Variants in COL7A1 observed in about 807,000 individuals in gnomAD.
COL7A1 encodes collagen alpha-1(VII) chain.
In COL7A1, 296 loss-of-function variants were observed where a neutral mutation model predicts 456.2. The observed-to-expected ratio is 0.65, with a 90% CI of 0.59 to 0.71. COL7A1 has a LOEUF of 0.71. Ranked by LOEUF, COL7A1 falls within the 30% of genes least tolerant of loss-of-function variation. The probability of loss-of-function intolerance (pLI) is 0.00; values close to 1 mark genes in which losing one functional copy is unlikely to be tolerated. For synonymous variants in COL7A1, 1,464 were observed against 1,525.9 expected, an observed-to-expected ratio of 0.96 and a Z score of 0.95; for missense variants, 3,441 against 4,017.2, an observed-to-expected ratio of 0.86 and a Z score of 3.88.
Position 48,594,526 on chromosome 3 carries a change from G to T in COL7A1, c.108C>A (p.Ala36=), listed in dbSNP as rs1267001380. 3.1e-6 allele frequency: 5 copies of T among 1,607,526 alleles called. No individual in the cohort carries two copies. Among genetic ancestry groups the T allele is most frequent in the Non-Finnish European group, 4.2e-6 (5 of 1,178,184 alleles). ...RERVTCTRLY[A]ADIVFLLDGS... ...CATCCAGTAAGAACACAATGTCAGC[G>T]GCGTAAAGGCGCGTGCAGGTCACTG... The change falls in exon 3 of 119, where the codon GCC becomes GCA. Residue 36 remains alanine (A), a synonymous_variant. Transcript: ENST00000681320. The surrounding 1 kb of genome is among the most constrained non-coding windows in gnomAD (Gnocchi z 5.5).
At position 48,590,151 on chromosome 3, in the gene COL7A1, A is replaced by G; in HGVS notation, c.2050+62T>C. 6.3e-7 allele frequency: 1 copy of G among 1,581,460 alleles called. No individual in the cohort carries two copies. Among genetic ancestry groups the G allele is most frequent in the Non-Finnish European group, 8.6e-7 (1 of 1,160,260 alleles). ...GGGAGAAGCAAGGGTCTGCAAGGGA[A>G]GGCATGGGGGTCTGAAAGAGCAATG... is the stretch of plus-strand genomic sequence containing the variant. On this transcript the variant is annotated intron_variant, in intron 16 of 118. Coordinates refer to ENST00000681320, the MANE Select transcript of COL7A1 (RefSeq NM_000094.4). The surrounding 1 kb of genome is among the most constrained non-coding windows in gnomAD (Gnocchi z 4.6).
At position 48,573,623 on chromosome 3, in the gene COL7A1, C is replaced by T. The variant is rs375152374; in HGVS notation, c.6574-66G>A. On this transcript the variant is annotated intron_variant, in intron 82 of 118. Coordinates refer to ENST00000681320, the MANE Select transcript of COL7A1 (RefSeq NM_000094.4). The surrounding 1 kb of genome is among the most constrained non-coding windows in gnomAD (Gnocchi z 5.5). Reference sequence around the variant, plus strand: ...TTAACACAGAGAAGGCCTGGCTCATCAGCTGTGGCCAATGCCTATCCCAGC... The same window carrying T: ...TTAACACAGAGAAGGCCTGGCTCATTAGCTGTGGCCAATGCCTATCCCAGC... 3.7e-6 allele frequency: 6 copies of T among 1,613,136 alleles called. No homozygotes were observed. The highest frequency in any genetic ancestry group is 3.3e-5 in the South Asian group (3 of 91,046).
chr3:48,564,497 A>G lies in COL7A1; in HGVS notation c.8819-75T>C. ...AGACGCTCAGGCAGAGGCACCGCCA[A>G]GGGGAGGGAGCGGAGGCTACAACAG... On this transcript the variant is annotated intron_variant, in intron 118 of 118. Transcript: ENST00000681320. This position sits in a 1 kb window ranked among gnomAD's most constrained non-coding sequence, Gnocchi z 6.0. The G allele has an allele frequency of 6.4e-7, 1 of 1,573,998 alleles. No individual in the cohort carries two copies. Among genetic ancestry groups the G allele is most frequent in the East Asian group, 2.3e-5 (1 of 44,200 alleles).
chr3:48,568,995 A>T lies in COL7A1; in HGVS notation c.7687-140T>A. The T allele has an allele frequency of 2.4e-6, 2 of 827,416 alleles. 1 individual carries two copies. Among genetic ancestry groups the T allele is most frequent in the South Asian group, 3.0e-5 (2 of 67,374 alleles). 51.3% of individuals were successfully genotyped at this position (827,416 alleles called of 1,614,324 possible). The stretch of plus-strand genomic sequence containing the variant: ...AGCACGTCCTCCCAGCCTGTGCCAT[A>T]GCGGGTGGAACTGGGGGCTGTAGTC... On this transcript the variant is annotated intron_variant, in intron 103 of 118. Coordinates refer to ENST00000681320, the MANE Select transcript of COL7A1 (RefSeq NM_000094.4). The surrounding 1 kb of genome is among the most constrained non-coding windows in gnomAD (Gnocchi z 5.2).
At position 48,585,684 on chromosome 3, in the gene COL7A1, A is replaced by T; in HGVS notation, c.3831+6T>A. On this transcript the variant is annotated splice_donor_region_variant and intron_variant, in intron 31 of 118. Coordinates refer to ENST00000681320, the MANE Select transcript of COL7A1 (RefSeq NM_000094.4). The surrounding 1 kb of genome is among the most constrained non-coding windows in gnomAD (Gnocchi z 4.5). ...GGGTGCAGGGACAGATGTGGGGGAC[A>T]CTCACCGGGAGGCCAGGGTCGCCAG... is the stretch of plus-strand genomic sequence containing the variant. 6.2e-7 allele frequency: 1 copy of T among 1,613,876 alleles called. No individual in the cohort carries two copies. The highest frequency in any genetic ancestry group is 8.5e-7 in the Non-Finnish European group (1 of 1,179,950).
rs762098220 is a variant in COL7A1 at position 48,568,960 on chromosome 3, C to T, written c.7687-105G>A. The T allele has an allele frequency of 3.6e-5, 41 of 1,142,070 alleles. No individual in the cohort carries two copies. Among genetic ancestry groups the T allele is most frequent in the East Asian group, 2.3e-4 (9 of 39,084 alleles). The allele number at this position is 1,142,070 out of a possible 1,614,324, so 70.7% of individuals were successfully genotyped here. A position where few individuals can be genotyped will look rare whatever the true frequency, so the allele number is the denominator to read the frequency against. On this transcript the variant is annotated intron_variant, in intron 103 of 118. Transcript: ENST00000681320. The surrounding 1 kb of genome is among the most constrained non-coding windows in gnomAD (Gnocchi z 5.2). ...GGGCAGAGCTCAAGTCACTCCCGAA[C>T]GGCCCTAGCAGCACGTCCTCCCAGC...
At position 48,573,073 on chromosome 3, in the gene COL7A1, C is replaced by T. The variant is rs990028371; in HGVS notation, c.6715-17G>A. 5.0e-6 allele frequency: 8 copies of T among 1,614,074 alleles called. No individual in the cohort carries two copies. Among genetic ancestry groups the T allele is most frequent in the South Asian group, 2.2e-5 (2 of 91,064 alleles). On this transcript the variant is annotated splice_polypyrimidine_tract_variant and intron_variant, in intron 85 of 118. Transcript: ENST00000681320. This position sits in a 1 kb window ranked among gnomAD's most constrained non-coding sequence, Gnocchi z 5.5. ...CTGTGGACCCTGACGGAGAACAAGT[C>T]GGATGTCAGGGTGACAATGGACACA...
rs2044439997 is a variant in COL7A1, at chr3:48,578,028, G to A, written c.5532+293C>T. ...AAAAATACAAAATTAGCCAGGCATG[G>A]TGGCGCATGCCTGTAATCCCAGTTA... On this transcript the variant is annotated intron_variant, in intron 65 of 118. Transcript: ENST00000681320. This position sits in a 1 kb window ranked among gnomAD's most constrained non-coding sequence, Gnocchi z 4.7. Among the ~76,000 whole-genome samples, 2 of 152,300 alleles carry A rather than the reference G, an allele frequency of 1.3e-5. No individual in the cohort carries two copies. Among genetic ancestry groups the A allele is most frequent in the Admixed American group, 1.3e-4 (2 of 15,300 alleles).
At position 48,575,022 on chromosome 3, in the gene COL7A1, T is replaced by G; in HGVS notation, c.6279+42A>C. ...GGGGACCAAGCTAAGGGTGGCTTCC[T>G]GGTCACTAGTCACAGGACTAAGGCA... On this transcript the variant is annotated intron_variant, in intron 76 of 118. Transcript: ENST00000681320. The surrounding 1 kb of genome is among the most constrained non-coding windows in gnomAD (Gnocchi z 6.3). 4 of 1,600,960 alleles carry G rather than the reference T, an allele frequency of 2.5e-6. No individual in the cohort carries two copies. Among genetic ancestry groups the G allele is most frequent in the Non-Finnish European group, 3.4e-6 (4 of 1,168,412 alleles).
rs1355576416 is a variant in COL7A1 at position 48,576,265 on chromosome 3, T to C, written c.5804A>G (p.Glu1935Gly). The C allele has an allele frequency of 6.2e-7, 1 of 1,613,614 alleles. No individual in the cohort carries two copies. Among genetic ancestry groups the C allele is most frequent in the Non-Finnish European group, 8.5e-7 (1 of 1,179,976 alleles). The change falls in exon 71 of 119, where the codon GAG becomes GGG. Residue 1935 changes from glutamate (E) to glycine (G), a missense_variant. Transcript: ENST00000681320. Reference sequence around the variant, plus strand: ...CTGGCTCACCGGCACACTTCCAGGCTCTCCTCGCAGGCCACGCTCTCCAGG... The same window carrying C: ...CTGGCTCACCGGCACACTTCCAGGCCCTCCTCGCAGGCCACGCTCTCCAGG... Reference protein sequence around the residue: ...GLPGERGLRGEPGSVPNVDRL... With the variant: ...GLPGERGLRGGPGSVPNVDRL...
Position 48,593,369 on chromosome 3 carries a change from C to T in COL7A1, c.507G>A (p.Lys169=). ...AAQRLKGQGV[K]LFAVGIKNAD... Reference sequence around the variant, plus strand: ...CTCGGTCCTTACCCACAGCAAATAGCTTGACCCCCTGCCCCTTCAGCCTTT... The same window carrying T: ...CTCGGTCCTTACCCACAGCAAATAGTTTGACCCCCTGCCCCTTCAGCCTTT... Residue 169 remains lysine, a synonymous_variant, in exon 5 of 119, where the codon AAG becomes AAA. Transcript: ENST00000681320. The surrounding 1 kb of genome is among the most constrained non-coding windows in gnomAD (Gnocchi z 4.4). 1 of 1,614,142 alleles carries T rather than the reference C, an allele frequency of 6.2e-7. No individual in the cohort carries two copies. The highest frequency in any genetic ancestry group is 8.5e-7 in the Non-Finnish European group (1 of 1,180,038).
intron 44 of COL7A1, 120 bp downstream of exon 44, chr3:48,582,893 G>A (rs2044875557): frequency 3.4e-6 from 5 of 1,453,188 alleles, no homozygotes; most frequent in Non-Finnish European, 3.9e-6. Context: ...TATCAGCAGG[G>A]ATAAGTGGTC....
chr3:48,585,215 A>C lies in COL7A1; in HGVS notation c.3895-99T>G. 8.5e-7 allele frequency: 1 copy of C among 1,175,586 alleles called. No homozygotes were observed. The highest frequency in any genetic ancestry group is 1.3e-5 in the South Asian group (1 of 77,494). The allele number at this position is 1,175,586 out of a possible 1,614,324, so 72.8% of individuals were successfully genotyped here. ...CCATCAACAAGGGGTCGCCTACCCC[A>C]CTGACCCCCAAGTGTTATTGGGGGT... On this transcript the variant is annotated intron_variant, in intron 32 of 118. Coordinates refer to ENST00000681320, the MANE Select transcript of COL7A1 (RefSeq NM_000094.4). This position sits in a 1 kb window ranked among gnomAD's most constrained non-coding sequence, Gnocchi z 4.5.
Position 48,571,742 on chromosome 3 carries a change from C to T in COL7A1, c.7068+259G>A. 1 of 636,334 alleles carries T rather than the reference C, an allele frequency of 1.6e-6. No homozygotes were observed. The highest frequency in any genetic ancestry group is 2.9e-6 in the Non-Finnish European group (1 of 347,040). 39.4% of individuals were successfully genotyped at this position (636,334 alleles called of 1,614,324 possible). The stretch of plus-strand genomic sequence containing the variant: ...GTGTCCTGGGATCTGGGAGATCAGA[C>T]CAGAGCACACGTGTGCCCAGATGTG... On this transcript the variant is annotated intron_variant, in intron 92 of 118. Transcript: ENST00000681320. This position sits in a 1 kb window ranked among gnomAD's most constrained non-coding sequence, Gnocchi z 4.6.
Position 48,580,779 on chromosome 3 carries a change from C to T in COL7A1, c.4980+103G>A, listed in dbSNP as rs2044696371. 4 of 1,568,640 alleles carry T rather than the reference C, an allele frequency of 2.5e-6. No individual in the cohort carries two copies. The highest frequency in any genetic ancestry group is 3.4e-5 in the Admixed American group (2 of 59,634). On this transcript the variant is annotated intron_variant, in intron 54 of 118. Coordinates refer to ENST00000681320, the MANE Select transcript of COL7A1 (RefSeq NM_000094.4). The surrounding 1 kb of genome is among the most constrained non-coding windows in gnomAD (Gnocchi z 4.5). ...ATCAGAGGTTCCCATCACCCCATGC[C>T]TCCCTGCAGGGACTCCCATCACCCC...
chr3:48,584,131 G>A lies in COL7A1; in HGVS notation c.4198-70C>T, dbSNP rs2045022876. ...TCCCAAAGATACCAGGAGTGATGAG[G>A]GTCATGGGGTCCAATTGGATTTCAA... is the stretch of plus-strand genomic sequence containing the variant. On this transcript the variant is annotated intron_variant, in intron 37 of 118. Coordinates refer to ENST00000681320, the MANE Select transcript of COL7A1 (RefSeq NM_000094.4). The A allele has an allele frequency of 9.9e-6, 16 of 1,611,472 alleles. No homozygotes were observed. In the East Asian group the frequency reaches 3.6e-4, roughly 36 times the overall value.
In COL7A1 at chr3:48,568,949, T is replaced by A; in HGVS notation, c.7687-94A>T. The A allele has an allele frequency of 7.7e-7, 1 of 1,290,842 alleles. No individual in the cohort carries two copies. Among genetic ancestry groups the A allele is most frequent in the Non-Finnish European group, 1.1e-6 (1 of 915,916 alleles). 80.0% of individuals were successfully genotyped at this position (1,290,842 alleles called of 1,614,324 possible). A position where few individuals can be genotyped will look rare whatever the true frequency, so the allele number is the denominator to read the frequency against. On this transcript the variant is annotated intron_variant, in intron 103 of 118. Coordinates refer to ENST00000681320, the MANE Select transcript of COL7A1 (RefSeq NM_000094.4). This position sits in a 1 kb window ranked among gnomAD's most constrained non-coding sequence, Gnocchi z 5.2. ...CCCGCCAGCTGGGGCAGAGCTCAAG[T>A]CACTCCCGAACGGCCCTAGCAGCAC...
chr3:48,590,125 G>A lies in COL7A1; in HGVS notation c.2050+88C>T. On this transcript the variant is annotated intron_variant, in intron 16 of 118. Coordinates refer to ENST00000681320, the MANE Select transcript of COL7A1 (RefSeq NM_000094.4). The surrounding 1 kb of genome is among the most constrained non-coding windows in gnomAD (Gnocchi z 4.6). ...TTCTGAAGGGGGAGGCAGGAGTTCTGGGGAGAAGCAAGGGTCTGCAAGGGA... is the reference window on the plus strand; with the variant it reads ...TTCTGAAGGGGGAGGCAGGAGTTCTAGGGAGAAGCAAGGGTCTGCAAGGGA... 2.0e-6 allele frequency: 3 copies of A among 1,469,852 alleles called. No homozygotes were observed. The highest frequency in any genetic ancestry group is 1.4e-5 in the African/African-American group (1 of 72,380). The allele number at this position is 1,469,852 out of a possible 1,614,324, so 91.1% of individuals were successfully genotyped here.
Position 48,580,371 on chromosome 3 carries a change from C to G in COL7A1, c.5053-27G>C, listed in dbSNP as rs751639416. On this transcript the variant is annotated intron_variant, in intron 55 of 118. Transcript: ENST00000681320. This position sits in a 1 kb window ranked among gnomAD's most constrained non-coding sequence, Gnocchi z 4.5. ...TGCAGAAAGGCAGGGGTCAGGGCCA[C>G]TCAAGGTAGGCAGCAGTTTGGGAGA... is the stretch of plus-strand genomic sequence containing the variant. 1 of 1,605,530 alleles carries G rather than the reference C, an allele frequency of 6.2e-7. No homozygotes were observed. Among genetic ancestry groups the G allele is most frequent in the Non-Finnish European group, 8.5e-7 (1 of 1,175,416 alleles).
Sources: gnomAD v4.1 joint callset for allele counts (sites outside exome capture counted in the v4.1 genomes callset) on GRCh38, gnomAD v4.1.1 for gene constraint, Gnocchi (gnomAD v3.1) non-coding constraint, MANE v1.5 for transcripts, NCBI Gene and HGNC (gene_info 2026-07-23, HGNC 2026-07-21) for gene names.